The following SORCS2 variants were observed in gnomAD, a reference collection of about 807,000 sequenced individuals.
SORCS2 encodes the protein VPS10 domain-containing receptor SorCS2.
SORCS2 carries 100 observed loss-of-function variants against 141.6 expected under a neutral mutation model. The observed-to-expected ratio is 0.71, with a 90% CI of 0.60 to 0.83. The LOEUF is 0.83. Ranked by LOEUF, SORCS2 falls within the 40% of genes least tolerant of loss-of-function variation. SORCS2 has a pLI of 0.00. For missense variants in SORCS2, 1,646 were observed against 1,560.2 expected (o/e 1.05, Z -0.93); for synonymous variants, 789 against 676.9 (o/e 1.17, Z -2.57).
intron 1 of SORCS2, among the ~76,000 whole-genome samples, chr4:7,303,848 G>A (rs1034545472): frequency 7.2e-5 from 11 of 152,378 alleles, no homozygotes; most frequent in African/African-American, 2.6e-4. Flanking sequence ...AGGCAGGAGA[G>A]AGCGATGTTC....
intron 3 of SORCS2, among the ~76,000 whole-genome samples, chr4:7,559,858 CATT>C (rs889140832): frequency 6.6e-6 from 1 of 152,262 alleles, no homozygotes; most frequent in Non-Finnish European, 1.5e-5. Flanking sequence ...TTGCTGTCAT[CATT>C]GTCACCCATT....
chr4:7,493,075 T>A (rs1731406951), intron 2 of SORCS2, among the ~76,000 whole-genome samples: 1 of 152,264 alleles, frequency 6.6e-6, no homozygotes, highest in African/African-American at 2.4e-5. Flanking sequence ...GGTGTGGCCA[T>A]GCTCCTGCCT....
intron 18 of SORCS2, among the ~76,000 whole-genome samples, chr4:7,723,305 C>A (rs1370440008): frequency 1.3e-5 from 2 of 152,096 alleles, no homozygotes; most frequent in African/African-American, 4.8e-5. Flanking sequence ...CTGCCGAAAC[C>A]CTCCTCGCAG....
chr4:7,389,643 C>T lies in SORCS2; in HGVS notation c.481-6645C>T, dbSNP rs1450999346. Among the ~76,000 whole-genome samples the T allele has an allele frequency of 3.3e-5, 5 of 152,162 alleles. No individual in the cohort carries two copies. The East Asian group carries it at 7.7e-4, about 23-fold the overall frequency. On this transcript the variant is annotated intron_variant, in intron 1 of 26. Transcript: ENST00000507866. ...TGAGGCTGACGCAGTTCCTCCCCTCCTGGGGTGCACAGGGTGGTCAGGGAA... is the reference window on the plus strand; with the variant it reads ...TGAGGCTGACGCAGTTCCTCCCCTCTTGGGGTGCACAGGGTGGTCAGGGAA...
chr4:7,300,320 TG>T lies in SORCS2; in HGVS notation c.481-95962del, dbSNP rs1560174842. Among the ~76,000 whole-genome samples the T allele has an allele frequency of 2.7e-5, 4 of 148,386 alleles. No homozygotes were observed. The South Asian group carries it at 8.6e-4, about 32-fold the overall frequency. ...TCTGGGCAGAAAAGCGGGCGGAGGG[TG>T]GGGGGTACTTTTCTGGGAACCCAGC... On this transcript the variant is annotated intron_variant, in intron 1 of 26. Transcript: ENST00000507866.
chr4:7,399,215 A>G (rs1311333330), intron 2 of SORCS2, among the ~76,000 whole-genome samples: 2 of 151,522 alleles, frequency 1.3e-5, no homozygotes, highest in Non-Finnish European at 2.9e-5. Flanking sequence ...GCTTGCCATC[A>G]CTCTCTCTTC....
intron 2 of SORCS2, chr4:7,431,547 G>C (rs1037510654): frequency 6.6e-6 from 1 of 152,430 alleles, no homozygotes; most frequent in Non-Finnish European, 1.5e-5. Context: ...GAGCCTCTGG[G>C]GCTGCTCCTG....
intron 2 of SORCS2, among the ~76,000 whole-genome samples, chr4:7,466,641 A>T (rs1729633779): frequency 6.6e-6 from 1 of 152,172 alleles, no homozygotes; most frequent in African/African-American, 2.4e-5. Context: ...ACCTTGGCCC[A>T]GGCAGTAGCT....
At chr4:7,472,493 G>A (rs1008413167) in intron 2 of SORCS2, among the ~76,000 whole-genome samples, 3 of 152,000 alleles carry the variant, frequency 2.0e-5, no homozygotes, top group East Asian at 1.9e-4. Flanking sequence ...TGTGGCAAGC[G>A]GGGGACAAGA....
chr4:7,400,967 A>G (rs1288669336), intron 2 of SORCS2, among the ~76,000 whole-genome samples: 6 of 152,096 alleles, frequency 3.9e-5, no homozygotes, highest in African/African-American at 1.4e-4. Flanking sequence ...GAATGGATGG[A>G]TGGATGAATG....
intron 1 of SORCS2, among the ~76,000 whole-genome samples, chr4:7,364,005 C>T (rs1212618546): frequency 8.5e-6 from 1 of 117,306 alleles, no homozygotes; most frequent in African/African-American, 3.6e-5. Context: ...ATCATCATCA[C>T]CATCACCACC....
chr4:7,645,816 G>A (rs762467180), intron 4 of SORCS2, among the ~76,000 whole-genome samples: 8 of 152,192 alleles, frequency 5.3e-5, no homozygotes, highest in South Asian at 2.1e-4. Context: ...GTGAAGCTCC[G>A]TTTACAAACC....
intron 1 of SORCS2, among the ~76,000 whole-genome samples, chr4:7,385,577 C>T (rs984392745): frequency 6.6e-6 from 1 of 152,296 alleles, no homozygotes; most frequent in South Asian, 2.1e-4. Flanking sequence ...ACTCTGCACT[C>T]GGGAGGAAGG....
At chr4:7,376,653 T>A (rs1722675649) in intron 1 of SORCS2, among the ~76,000 whole-genome samples, 1 of 152,240 alleles carries the variant, frequency 6.6e-6, no homozygotes, top group Non-Finnish European at 1.5e-5. Flanking sequence ...GCATATTTTT[T>A]TCTGGTTCAT....
At chr4:7,267,212 C>T (rs747692682) in intron 1 of SORCS2, among the ~76,000 whole-genome samples, 4 of 152,214 alleles carry the variant, frequency 2.6e-5, no homozygotes, top group Non-Finnish European at 4.4e-5. Flanking sequence ...CTTCCTTTCT[C>T]CTAAGCCTTT....
chr4:7,703,503 A>T (rs973462741), intron 13 of SORCS2, 132 bp downstream of exon 13: 1 of 692,358 alleles, frequency 1.4e-6, no homozygotes, highest in Non-Finnish European at 2.4e-6. Flanking sequence ...AACTGCACTA[A>T]ATCCTAAAGA....
intron 1 of SORCS2, among the ~76,000 whole-genome samples, chr4:7,308,490 C>T (rs1487331268): frequency 6.6e-6 from 1 of 152,180 alleles, no homozygotes; most frequent in Non-Finnish European, 1.5e-5. Flanking sequence ...TTACATGAAA[C>T]CCATCCCCTT....
rs77996157 is a variant in SORCS2, at chr4:7,741,257, G to A, written c.*993G>A. The A allele has an allele frequency of 5.2e-3, 2,093 of 398,912 alleles. 39 individuals are homozygous for A. Among genetic ancestry groups the A allele is most frequent in the African/African-American group, 0.04 (1,935 of 48,710 alleles). 24.7% of individuals were successfully genotyped at this position (398,912 alleles called of 1,614,324 possible). A position where few individuals can be genotyped will look rare whatever the true frequency, so the allele number is the denominator to read the frequency against. On this transcript the variant is annotated 3_prime_UTR_variant, in exon 27 of 27. Transcript: ENST00000507866. Reference sequence around the variant, plus strand: ...AGGCTGAGGATGGCAGGGCTGGAAGGGCCATCAGCGTGACCCTCATTTTCA... The same window carrying A: ...AGGCTGAGGATGGCAGGGCTGGAAGAGCCATCAGCGTGACCCTCATTTTCA...
intron 4 of SORCS2, among the ~76,000 whole-genome samples, chr4:7,643,808 G>A (rs570324936): frequency 1.1e-4 from 17 of 152,248 alleles, no homozygotes; most frequent in African/African-American, 2.9e-4. Flanking sequence ...TGCAGCCTTC[G>A]CGTTGGCTGC....
Sources: gnomAD v4.1 joint callset for allele counts (sites outside exome capture counted in the v4.1 genomes callset) on GRCh38, gnomAD v4.1.1 for gene constraint, MANE v1.5 for transcripts, NCBI Gene and HGNC (gene_info 2026-07-23, HGNC 2026-07-21) for gene names.